The following APP variants were observed in gnomAD, a reference collection of about 807,000 sequenced individuals.
The protein encoded by APP is amyloid beta precursor protein.
A neutral mutation model predicts 101.4 loss-of-function variants in APP; 31 were observed. The observed-to-expected ratio is 0.31, with a 90% confidence interval of 0.23 to 0.41. APP has a LOEUF of 0.41. APP is among the 10% of genes least tolerant of loss of function. The pLI is 1.00. For missense variants in APP, 839 were observed against 1,003.7 expected, an observed-to-expected ratio of 0.84 and a Z score of 2.22; for synonymous variants, 366 against 364.4, an observed-to-expected ratio of 1.00 and a Z score of -0.05.
intron 13 of APP, among the ~76,000 whole-genome samples, chr21:25,927,322 C>T (rs11909661): frequency 0.018 from 1,860 of 100,542 alleles, 36 homozygotes; most frequent in African/African-American, 0.067. Flanking sequence ...AGGATGAATA[C>T]GATGGCTACG....
chr21:26,007,287 A>G (rs2043573056), intron 6 of APP, among the ~76,000 whole-genome samples: 1 of 150,428 alleles, frequency 6.6e-6, no homozygotes. Context: ...AATAAAATGA[A>G]AACGACATAA....
chr21:26,142,424 T>A (rs1396408767), intron 1 of APP, among the ~76,000 whole-genome samples: 1 of 152,206 alleles, frequency 6.6e-6, no homozygotes, highest in Non-Finnish European at 1.5e-5. Context: ...TATCCCCTTC[T>A]CTGCCAGACC....
intron 8 of APP, among the ~76,000 whole-genome samples, chr21:25,996,857 C>T (rs976514746): frequency 6.6e-6 from 1 of 152,220 alleles, no homozygotes; most frequent in Admixed American, 6.5e-5. Flanking sequence ...ATTCCAAGCT[C>T]CCCTTTTTAA....
intron 1 of APP, among the ~76,000 whole-genome samples, chr21:26,150,675 C>A (rs999406897): frequency 2.7e-5 from 4 of 148,026 alleles, no homozygotes; most frequent in Non-Finnish European, 4.4e-5. Flanking sequence ...CCCCACCCAA[C>A]AAAGTACAAG....
chr21:25,949,520 G>A (rs1263092794), intron 13 of APP, among the ~76,000 whole-genome samples: 1 of 152,160 alleles, frequency 6.6e-6, no homozygotes, highest in Non-Finnish European at 1.5e-5. Context: ...TTTTGGTCAG[G>A]TCTTTAGGGT....
intron 6 of APP, among the ~76,000 whole-genome samples, chr21:26,014,227 A>G (rs1165027948): frequency 6.6e-6 from 1 of 152,184 alleles, no homozygotes; most frequent in East Asian, 1.9e-4. Flanking sequence ...AGTTAAGTTC[A>G]CAGTTTACCC....
At chr21:26,067,408 T>C (rs1280138115) in intron 3 of APP, among the ~76,000 whole-genome samples, 3 of 152,220 alleles carry the variant, frequency 2.0e-5, no homozygotes, top group Non-Finnish European at 4.4e-5. Context: ...CATCAGATTT[T>C]AGAGATCAAT....
intron 5 of APP, among the ~76,000 whole-genome samples, chr21:26,038,125 C>G (rs1320564569): frequency 2.0e-5 from 3 of 152,086 alleles, no homozygotes; most frequent in African/African-American, 7.2e-5. Context: ...GTTTTCTAAT[C>G]ATGAGACATC....
At chr21:25,884,004 G>C (rs1266766648) in intron 17 of APP, among the ~76,000 whole-genome samples, 3 of 151,764 alleles carry the variant, frequency 2.0e-5, no homozygotes, top group African/African-American at 7.3e-5. Context: ...TCAGCCTCCC[G>C]AGTAGCTGGG....
intron 1 of APP, among the ~76,000 whole-genome samples, chr21:26,112,397 T>C (rs1780644735): frequency 6.6e-6 from 1 of 152,200 alleles, no homozygotes; most frequent in Non-Finnish European, 1.5e-5. Flanking sequence ...AATTTATTCA[T>C]GAAAAATTTA....
At chr21:25,951,024 C>CA (rs2041052189) in intron 13 of APP, among the ~76,000 whole-genome samples, 1 of 152,144 alleles carries the variant, frequency 6.6e-6, no homozygotes, top group Non-Finnish European at 1.5e-5. Flanking sequence ...TGGAATATGG[C>CA]ACTGGGATTC....
At chr21:26,016,036 A>AT (rs758572910) in intron 6 of APP, among the ~76,000 whole-genome samples, 187 of 144,930 alleles carry the variant, frequency 1.3e-3, no homozygotes, top group Middle Eastern at 3.5e-3. Flanking sequence ...TCATTTTTCT[A>AT]TTTTTTTTTT....
chr21:26,163,975 G>A (rs566624564), intron 1 of APP, among the ~76,000 whole-genome samples: 9 of 152,296 alleles, frequency 5.9e-5, no homozygotes, highest in Admixed American at 1.3e-4. Context: ...AGCTGGGCGC[G>A]GTGGCTCACG....
chr21:26,078,784 G>T (rs1055368510), intron 3 of APP, among the ~76,000 whole-genome samples: 2 of 152,170 alleles, frequency 1.3e-5, no homozygotes, highest in Non-Finnish European at 2.9e-5. Flanking sequence ...GGTGGCTCAC[G>T]CCTGTAATCC....
rs150873507 is a variant in APP, at chr21:26,054,275, A to G, written c.356-927T>C. Among the ~76,000 whole-genome samples the G allele has an allele frequency of 5.5e-4, 71 of 127,968 alleles. 1 individual carries two copies. The highest frequency in any genetic ancestry group is 1.6e-3 in the African/African-American group (63 of 38,778). 84.0% of individuals were successfully genotyped at this position (127,968 alleles called of 152,430 possible). A position where few individuals can be genotyped will look rare whatever the true frequency, so the allele number is the denominator to read the frequency against. Reference sequence around the variant, plus strand: ...TGAGAAGTAGTATGCCACATGGGAAATGAATTGAACTTCCATAACGTAAGG... The same window carrying G: ...TGAGAAGTAGTATGCCACATGGGAAGTGAATTGAACTTCCATAACGTAAGG... On this transcript the variant is annotated intron_variant, in intron 3 of 17. Transcript: ENST00000346798.
At chr21:25,954,033 C>T (rs2041205698) in intron 13 of APP, among the ~76,000 whole-genome samples, 1 of 152,204 alleles carries the variant, frequency 6.6e-6, no homozygotes, top group African/African-American at 2.4e-5. Context: ...GTTCAGAGAA[C>T]ACTCATGGCT....
chr21:26,053,250 T>C lies in APP; in HGVS notation c.454A>G (p.Thr152Ala), dbSNP rs756629390. ...TGGGCTGGTACCTCTTTGGCGACGG[T>C]GTGCCAGTGAAGATGAGTTTCGCAA... ...DVCETHLHWHTVAKETCSEKS... is the reference protein window; with the variant it reads ...DVCETHLHWHAVAKETCSEKS... Residue 152 changes from threonine (T) to alanine (A), a missense_variant, in exon 4 of 18, where the codon ACC becomes GCC. Coordinates refer to ENST00000346798, the MANE Select transcript of APP (RefSeq NM_000484.4). 1.2e-6 allele frequency: 2 copies of C among 1,612,992 alleles called. No individual in the cohort carries two copies. Among genetic ancestry groups the C allele is most frequent in the Non-Finnish European group, 1.7e-6 (2 of 1,179,018 alleles).
chr21:26,008,963 G>C (rs63190460), intron 6 of APP, among the ~76,000 whole-genome samples: 1 of 654 alleles, frequency 1.5e-3, no homozygotes, highest in Non-Finnish European at 3.5e-3. Flanking sequence ...CTCAAAATAG[G>C]ATCATGGACC....
At chr21:25,987,617 C>G (rs1256831978) in intron 8 of APP, among the ~76,000 whole-genome samples, 1 of 152,184 alleles carries the variant, frequency 6.6e-6, no homozygotes, top group Non-Finnish European at 1.5e-5. Context: ...TAGTACATCA[C>G]TGCTTCAAGG....
Sources: allele counts gnomAD v4.1 joint callset (sites outside exome capture counted in the v4.1 genomes callset), GRCh38; gene constraint gnomAD v4.1.1; transcripts MANE v1.5; gene names NCBI Gene and HGNC (gene_info 2026-07-23, HGNC 2026-07-21).